Variants in PEBP4 observed in about 807,000 individuals in gnomAD.
The protein encoded by PEBP4 is phosphatidylethanolamine binding protein 4.
PEBP4 carries 22 observed loss-of-function variants against 23.9 expected under a neutral mutation model. That is an observed-to-expected ratio of 0.92 (90% CI 0.66 to 1.31). The LOEUF is 1.31. Among genes scored for constraint, PEBP4 ranks in the 40% most tolerant of loss-of-function variants. PEBP4 has a pLI of 0.00. For missense variants in PEBP4, 324 were observed against 281.7 expected, an observed-to-expected ratio of 1.15 and a Z score of -1.07; for synonymous variants, 112 against 99.3, an observed-to-expected ratio of 1.13 and a Z score of -0.76.
intron 3 of PEBP4, among the ~76,000 whole-genome samples, chr8:22,909,452 C>G (rs1808888458): frequency 1.3e-5 from 2 of 152,298 alleles, no homozygotes; most frequent in African/African-American, 4.8e-5. Flanking sequence ...CCACTGTACC[C>G]CCACGTAATT....
At chr8:22,739,804 A>G (rs1804951185) in intron 4 of PEBP4, among the ~76,000 whole-genome samples, 1 of 152,026 alleles carries the variant, frequency 6.6e-6, no homozygotes, top group African/African-American at 2.4e-5. Context: ...ACTGCCAACG[A>G]GAAGATGGGT....
intron 3 of PEBP4, among the ~76,000 whole-genome samples, chr8:22,858,858 A>G (rs1807709669): frequency 6.6e-6 from 1 of 152,112 alleles, no homozygotes; most frequent in African/African-American, 2.4e-5. Context: ...GAGGCAGGAG[A>G]ATCGCTTGAA....
chr8:22,786,473 G>A (rs1366493848), intron 4 of PEBP4, among the ~76,000 whole-genome samples: 1 of 151,932 alleles, frequency 6.6e-6, no homozygotes, highest in African/African-American at 2.4e-5. Flanking sequence ...TGAAGAGACG[G>A]GGGCCTTGCC....
chr8:22,727,214 C>A lies in PEBP4; in HGVS notation c.364G>T (p.Asp122Tyr), dbSNP rs115814340. The change falls in exon 5 of 7, where the codon GAC becomes TAC. Residue 122 changes from aspartate (D) to tyrosine (Y), a missense_variant. Asp to Tyr is a radical substitution (Grantham distance 160, BLOSUM62 -3). Transcript: ENST00000256404. Reference sequence around the variant, plus strand: ...CCCTGAATCTTCCCTTTCTTCAGGTCGGCGCCCTGAAAGAAGAGACAAGCA... The same window carrying A: ...CCCTGAATCTTCCCTTTCTTCAGGTAGGCGCCCTGAAAGAAGAGACAAGCA... ...HWLVTDIKGA[D>Y]LKKGKIQGQE... 6.2e-7 allele frequency: 1 copy of A among 1,613,640 alleles called. No homozygotes were observed.
chr8:22,795,792 T>C (rs944714140), intron 4 of PEBP4, among the ~76,000 whole-genome samples: 3 of 152,228 alleles, frequency 2.0e-5, no homozygotes, highest in African/African-American at 4.8e-5. Context: ...TTCACATTTA[T>C]TGGGTAATAT....
chr8:22,790,926 TGTGA>T (rs1356807586), intron 4 of PEBP4, among the ~76,000 whole-genome samples: 3 of 152,206 alleles, frequency 2.0e-5, no homozygotes, highest in Admixed American at 6.5e-5. Flanking sequence ...CACTGGGCTC[TGTGA>T]GTAACTGGGA....
chr8:22,738,775 A>ACACACATGCTGT (rs1804925791), intron 4 of PEBP4, among the ~76,000 whole-genome samples: 1 of 152,136 alleles, frequency 6.6e-6, no homozygotes. Flanking sequence ...ATGCTCACTC[A>ACACACATGCTGT]CACACATGCT....
intron 4 of PEBP4, among the ~76,000 whole-genome samples, chr8:22,728,555 T>TCTTTCTTC (rs1319513614): frequency 2.9e-5 from 2 of 69,498 alleles, no homozygotes; most frequent in African/African-American, 1.1e-4. Flanking sequence ...TTTCTTTCTT[T>TCTTTCTTC]CTTTCTTCCT....
chr8:22,933,131 G>A (rs1267964282), intron 1 of PEBP4, among the ~76,000 whole-genome samples: 3 of 152,128 alleles, frequency 2.0e-5, no homozygotes, highest in African/African-American at 7.2e-5. Flanking sequence ...CAAAGAAGGA[G>A]AGCCAGACCC....
chr8:22,850,169 G>C (rs947295295), intron 3 of PEBP4, among the ~76,000 whole-genome samples: 5 of 151,862 alleles, frequency 3.3e-5, no homozygotes, highest in Admixed American at 6.6e-5. Context: ...TTGAGGACTT[G>C]GCCAGTGAGT....
chr8:22,724,827 G>A lies in PEBP4; in HGVS notation c.517+16C>T, dbSNP rs936900067. 3.2e-6 allele frequency: 5 copies of A among 1,583,466 alleles called. No homozygotes were observed. The African/African-American group carries it at 6.7e-5, about 21-fold the overall frequency. ...AATTCACCCCGGTGGTGGCTGGAAG[G>A]ATGGGGAGGTCTTACCTCGAGTTTT... On this transcript the variant is annotated intron_variant, in intron 6 of 6. Coordinates refer to ENST00000256404, the MANE Select transcript of PEBP4 (RefSeq NM_144962.3).
At chr8:22,793,753 G>A (rs918949507) in intron 4 of PEBP4, among the ~76,000 whole-genome samples, 13 of 152,146 alleles carry the variant, frequency 8.5e-5, no homozygotes, top group African/African-American at 2.7e-4. Flanking sequence ...TACATAACAC[G>A]CCCTGCCTTA....
intron 4 of PEBP4, among the ~76,000 whole-genome samples, chr8:22,737,388 A>G (rs376153802): frequency 2.0e-5 from 3 of 151,662 alleles, no homozygotes; most frequent in South Asian, 2.1e-4. Context: ...TTGAATGTTT[A>G]TGTCGTGGCC....
At chr8:22,818,829 G>T (rs560538276) in intron 3 of PEBP4, among the ~76,000 whole-genome samples, 2 of 152,132 alleles carry the variant, frequency 1.3e-5, no homozygotes, top group African/African-American at 2.4e-5. Context: ...AGTATTTTTA[G>T]GTAAAATCGG....
chr8:22,905,759 G>T (rs551108260), intron 3 of PEBP4, among the ~76,000 whole-genome samples: 4 of 152,356 alleles, frequency 2.6e-5, no homozygotes, highest in South Asian at 2.1e-4. Context: ...AGCCTGGCAG[G>T]TTCCTCTCCA....
chr8:22,717,507 T>C (rs1460252101), intron 6 of PEBP4, among the ~76,000 whole-genome samples: 3 of 152,188 alleles, frequency 2.0e-5, no homozygotes, highest in African/African-American at 4.8e-5. Context: ...GGTAGGAAGC[T>C]GAGGGAGGGA....
intron 3 of PEBP4, among the ~76,000 whole-genome samples, chr8:22,874,802 C>T (rs188492899): frequency 6.6e-6 from 1 of 152,284 alleles, no homozygotes; most frequent in East Asian, 1.9e-4. Context: ...TGTAATGCTG[C>T]AAAGAAAATC....
intron 3 of PEBP4, among the ~76,000 whole-genome samples, chr8:22,856,713 CTAAA>C (rs60953053): frequency 4.0e-5 from 6 of 151,296 alleles, no homozygotes; most frequent in Admixed American, 6.6e-5. Context: ...GAAACTGTCT[CTAAA>C]TAAATAAATA....
At chr8:22,839,456 A>G (rs901254370) in intron 3 of PEBP4, among the ~76,000 whole-genome samples, 8 of 152,174 alleles carry the variant, frequency 5.3e-5, no homozygotes, top group East Asian at 3.8e-4. Flanking sequence ...GACTGGTCCT[A>G]TCTGGGCCTC....
Sources: allele counts gnomAD v4.1 joint callset (sites outside exome capture counted in the v4.1 genomes callset), GRCh38; gene constraint gnomAD v4.1.1; transcripts MANE v1.5; gene names NCBI Gene and HGNC (gene_info 2026-07-23, HGNC 2026-07-21).